AK9: variants seen among roughly 807,000 people sequenced by gnomAD.
AK9 encodes adenylate kinase 9.
Under a neutral mutation model 239.6 loss-of-function variants are expected in AK9, and 191 were observed. The observed-to-expected ratio is 0.80, with a 90% confidence interval of 0.71 to 0.90. AK9 has a LOEUF of 0.90. Ranked by LOEUF, AK9 falls within the 40% of genes least tolerant of loss-of-function variation. The probability of loss-of-function intolerance (pLI) is 0.00; values close to 1 mark genes in which losing one functional copy is unlikely to be tolerated. For missense variants in AK9, 1,995 were observed against 2,214.7 expected (o/e 0.90, Z 1.99); for synonymous variants, 689 against 721.0 (o/e 0.96, Z 0.71).
intron 12 of AK9, among the ~76,000 whole-genome samples, chr6:109,628,096 T>C (rs1223303950): frequency 6.6e-6 from 1 of 152,124 alleles, no homozygotes; most frequent in Non-Finnish European, 1.5e-5. Flanking sequence ...TAGGCCTTAA[T>C]CTAGGTTGTG....
chr6:109,593,903 A>G (rs1426819520), intron 17 of AK9, among the ~76,000 whole-genome samples: 1 of 152,240 alleles, frequency 6.6e-6, no homozygotes, highest in East Asian at 1.9e-4. Flanking sequence ...CCCACAGCCA[A>G]TATCATACCA....
intron 5 of AK9, among the ~76,000 whole-genome samples, chr6:109,666,915 C>T (rs1191173785): frequency 1.3e-5 from 2 of 152,172 alleles, no homozygotes; most frequent in East Asian, 3.9e-4. Flanking sequence ...ATACTCGGGG[C>T]AGGGAATGCC....
intron 17 of AK9, among the ~76,000 whole-genome samples, chr6:109,601,331 T>C (rs1230717141): frequency 6.6e-6 from 1 of 152,248 alleles, no homozygotes; most frequent in East Asian, 1.9e-4. Flanking sequence ...CATTTCGTTA[T>C]GTACCCAGTA....
chr6:109,651,161 A>G lies in AK9; in HGVS notation c.759+5595T>C, dbSNP rs186048854. On this transcript the variant is annotated intron_variant, in intron 8 of 40. Coordinates refer to ENST00000424296, the MANE Select transcript of AK9 (RefSeq NM_001145128.3). The stretch of plus-strand genomic sequence containing the variant: ...ATGAGTTAATGGGTGCAGCACACCA[A>G]CATGGCACATGTATACATATGTAAC... Among the ~76,000 whole-genome samples, 64 of 152,202 alleles carry G rather than the reference A, an allele frequency of 4.2e-4. 1 individual carries two copies. Among genetic ancestry groups the G allele is most frequent in the African/African-American group, 1.5e-3 (63 of 41,534 alleles).
chr6:109,626,013 G>A lies in AK9; in HGVS notation c.1255-6777C>T, dbSNP rs141934922. Among the ~76,000 whole-genome samples, 6 of 151,714 alleles carry A rather than the reference G, an allele frequency of 4.0e-5. No individual in the cohort carries two copies. In the East Asian group the frequency reaches 1.2e-3, roughly 30 times the overall value. ...TTTTCCCACAGGTCCCTGAAGCTCTGTTCATTTCTTTCAATATTTTTTTCT... is the reference window on the plus strand; with the variant it reads ...TTTTCCCACAGGTCCCTGAAGCTCTATTCATTTCTTTCAATATTTTTTTCT... On this transcript the variant is annotated intron_variant, in intron 12 of 40. Coordinates refer to ENST00000424296, the MANE Select transcript of AK9 (RefSeq NM_001145128.3).
intron 17 of AK9, among the ~76,000 whole-genome samples, chr6:109,597,408 C>T (rs1004209533): frequency 2.0e-5 from 3 of 152,096 alleles, no homozygotes; most frequent in Non-Finnish European, 4.4e-5. Flanking sequence ...CGCGGTGGCT[C>T]ATGCCTGTAA....
chr6:109,640,096 T>A (rs1797213089), intron 10 of AK9, among the ~76,000 whole-genome samples: 1 of 152,218 alleles, frequency 6.6e-6, no homozygotes, highest in Non-Finnish European at 1.5e-5. Flanking sequence ...CCTCCACCTT[T>A]GTTCTTTTTG....
At chr6:109,542,967 G>T (rs961612393) in intron 26 of AK9, among the ~76,000 whole-genome samples, 1 of 151,836 alleles carries the variant, frequency 6.6e-6, no homozygotes, top group East Asian at 1.9e-4. Context: ...TCACACACAC[G>T]CCTATAAGGC....
chr6:109,502,487 A>G (rs573249782), intron 35 of AK9, among the ~76,000 whole-genome samples: 7 of 152,326 alleles, frequency 4.6e-5, no homozygotes, highest in African/African-American at 1.7e-4. Flanking sequence ...AAAGGCATGG[A>G]ATAGATCCTC....
At chr6:109,687,567 C>T (rs1455476275) in intron 1 of AK9, among the ~76,000 whole-genome samples, 3 of 152,180 alleles carry the variant, frequency 2.0e-5, no homozygotes. Flanking sequence ...GTGAGTGCAG[C>T]CCCTGCCAAC....
At chr6:109,578,841 C>T (rs1269880969) in intron 20 of AK9, among the ~76,000 whole-genome samples, 2 of 72,010 alleles carry the variant, frequency 2.8e-5, no homozygotes, top group African/African-American at 7.0e-5. Flanking sequence ...TCCATGTATT[C>T]GTATAGTTTG....
rs768647968 is a variant in AK9, at chr6:109,499,063, C to G, written c.5027G>C (p.Ser1676Thr). The G allele has an allele frequency of 1.3e-6, 2 of 1,525,630 alleles. No individual in the cohort carries two copies. The highest frequency in any genetic ancestry group is 1.8e-6 in the Non-Finnish European group (2 of 1,134,310). 94.5% of individuals were successfully genotyped at this position (1,525,630 alleles called of 1,614,324 possible). A position where few individuals can be genotyped will look rare whatever the true frequency, so the allele number is the denominator to read the frequency against. Residue 1676 changes from serine (S) to threonine (T), a missense_variant, in exon 36 of 41, where the codon AGT (serine) becomes ACT (threonine). Ser to Thr is a moderately conservative substitution (Grantham distance 58). Coordinates refer to ENST00000424296, the MANE Select transcript of AK9 (RefSeq NM_001145128.3). The stretch of plus-strand genomic sequence containing the variant: ...ACTTACATTCAGTTTTTCCTGAGAA[C>G]TCATTTTATAGTAGTGCCCCCTGAA... ...AEFRGHYYKM[S>T]SQEKLNKFLE...
intron 13 of AK9, among the ~76,000 whole-genome samples, chr6:109,616,661 G>A (rs1293381296): frequency 6.6e-6 from 1 of 152,040 alleles, no homozygotes; most frequent in Non-Finnish European, 1.5e-5. Flanking sequence ...ACAGGTATGA[G>A]CCACTGACCT....
rs142005222 is a variant in AK9, at chr6:109,680,842, C to A, written c.-11-5086G>T. Among the ~76,000 whole-genome samples, 106 of 152,266 alleles carry A rather than the reference C, an allele frequency of 7.0e-4. 1 individual carries two copies. Among genetic ancestry groups the A allele is most frequent in the African/African-American group, 2.5e-3 (102 of 41,554 alleles). On this transcript the variant is annotated intron_variant, in intron 1 of 40. Transcript: ENST00000424296. ...GAATTTTCAACGCAGAATTTCATAT[C>A]CAGCCAAACTAAGCTTCATAAGTGA...
At chr6:109,635,621 A>T (rs1796622723) in intron 10 of AK9, among the ~76,000 whole-genome samples, 1 of 152,072 alleles carries the variant, frequency 6.6e-6, no homozygotes, top group African/African-American at 2.4e-5. Flanking sequence ...CACTATAACC[A>T]CTACCCTCAA....
chr6:109,686,955 G>C (rs1773593704), intron 1 of AK9, among the ~76,000 whole-genome samples: 2 of 152,204 alleles, frequency 1.3e-5, no homozygotes, highest in Admixed American at 6.5e-5. Context: ...AAGCAGCCCA[G>C]ATGCCCATGT....
At chr6:109,577,907 TTTC>T (rs1402705905) in intron 20 of AK9, among the ~76,000 whole-genome samples, 2 of 141,218 alleles carry the variant, frequency 1.4e-5, no homozygotes, top group African/African-American at 3.0e-5. Flanking sequence ...TCTTTCTCTC[TTTC>T]TTTCTTTCTT....
In AK9 at chr6:109,673,980, A is replaced by T. The variant is rs141021354; in HGVS notation, c.181+218T>A. On this transcript the variant is annotated intron_variant, in intron 3 of 40. Transcript: ENST00000424296. Reference sequence around the variant, plus strand: ...AAGACCATGTCTCTACAAAAAAAAAAAATAATAATTAATTAAATTAAATAT... The same window carrying T: ...AAGACCATGTCTCTACAAAAAAAAATAATAATAATTAATTAAATTAAATAT... Among the ~76,000 whole-genome samples, 1,327 of 151,898 alleles carry T rather than the reference A, an allele frequency of 8.7e-3. 24 individuals carry two copies. The highest frequency in any genetic ancestry group is 0.027 in the African/African-American group (1,114 of 41,482).
chr6:109,550,438 A>G (rs945809862), intron 24 of AK9, 136 bp from the exon 25 acceptor site: 7 of 636,836 alleles, frequency 1.1e-5, no homozygotes, highest in Non-Finnish European at 5.0e-6. Flanking sequence ...CAGTCCTTAT[A>G]TTATTTTAAT....
Sources: allele counts gnomAD v4.1 joint callset (sites outside exome capture counted in the v4.1 genomes callset), GRCh38; gene constraint gnomAD v4.1.1; transcripts MANE v1.5; gene names NCBI Gene and HGNC (gene_info 2026-07-23, HGNC 2026-07-21).